The following PPFIA2 variants were observed in gnomAD, a reference collection of about 807,000 sequenced individuals.
PPFIA2 encodes the protein PPFI scaffold protein A2.
Under a neutral mutation model 175.5 loss-of-function variants are expected in PPFIA2, and 46 were observed. The observed-to-expected ratio is 0.26, with a 90% CI of 0.21 to 0.34. The LOEUF (loss-of-function observed/expected upper bound fraction) is 0.34. Ranked by LOEUF, PPFIA2 falls within the 10% of genes least tolerant of loss-of-function variation. The probability of loss-of-function intolerance (pLI) is 1.00; values close to 1 mark genes in which losing one functional copy is unlikely to be tolerated. For synonymous variants in PPFIA2, 568 were observed against 511.4 expected (o/e 1.11, Z -1.49); for missense variants, 1,179 against 1,506.1 (o/e 0.78, Z 3.60).
At chr12:81,712,851 G>T (rs1174069316) in intron 3 of PPFIA2, among the ~76,000 whole-genome samples, 10 of 150,326 alleles carry the variant, frequency 6.7e-5, no homozygotes, top group African/African-American at 2.4e-4. Context: ...CAGTTCTCAA[G>T]TTCTCTTTAA....
chr12:81,678,743 T>G (rs569095268), intron 3 of PPFIA2, among the ~76,000 whole-genome samples: 1 of 152,022 alleles, frequency 6.6e-6, no homozygotes, highest in Admixed American at 6.6e-5. Flanking sequence ...TGGTAGAGTT[T>G]AAGTCCTTGA....
chr12:81,658,768 G>A (rs1014525307), intron 4 of PPFIA2, among the ~76,000 whole-genome samples: 1 of 151,688 alleles, frequency 6.6e-6, no homozygotes, highest in Non-Finnish European at 1.5e-5. Context: ...TACATGCAAA[G>A]AAACAAATGT....
At chr12:81,464,569 T>C (rs2055238115) in intron 4 of PPFIA2, among the ~76,000 whole-genome samples, 1 of 152,150 alleles carries the variant, frequency 6.6e-6, no homozygotes, top group Admixed American at 6.6e-5. Flanking sequence ...TATGTTGTTC[T>C]TAGTGAGTTT....
chr12:81,650,006 GTTTTTGTTTTTT>G (rs1567716926), intron 4 of PPFIA2, among the ~76,000 whole-genome samples: 1 of 151,232 alleles, frequency 6.6e-6, no homozygotes, highest in African/African-American at 2.4e-5. Context: ...TTATGTTTTT[GTTTTTGTTTTTT>G]TTTTTTCCTG....
At chr12:81,397,606 A>G (rs1487401528) in intron 8 of PPFIA2, among the ~76,000 whole-genome samples, 2 of 152,032 alleles carry the variant, frequency 1.3e-5, no homozygotes, top group Non-Finnish European at 2.9e-5. Flanking sequence ...TAGGTTTATA[A>G]GGGATTTTAA....
intron 7 of PPFIA2, among the ~76,000 whole-genome samples, chr12:81,409,064 A>C (rs1339033910): frequency 1.3e-5 from 2 of 152,172 alleles, no homozygotes; most frequent in African/African-American, 4.8e-5. Flanking sequence ...AAATAACTGG[A>C]GCCTAAGGTA....
chr12:81,333,035 T>C (rs1743947502), intron 21 of PPFIA2, among the ~76,000 whole-genome samples: 2 of 152,174 alleles, frequency 1.3e-5, no homozygotes, highest in South Asian at 4.1e-4. Context: ...ATAGATTCAG[T>C]ATTCCTAGGG....
intron 16 of PPFIA2, among the ~76,000 whole-genome samples, chr12:81,356,532 G>T (rs930659458): frequency 9.9e-5 from 15 of 151,946 alleles, no homozygotes; most frequent in Middle Eastern, 3.4e-3. Flanking sequence ...GCATAGTGGT[G>T]CCCGCTTGTG....
At chr12:81,720,255 G>T (rs1178673564) in intron 3 of PPFIA2, among the ~76,000 whole-genome samples, 1 of 151,418 alleles carries the variant, frequency 6.6e-6, no homozygotes, top group Non-Finnish European at 1.5e-5. Context: ...ATTAGGAAAA[G>T]AAATGTTTCT....
chr12:81,307,397 A>C (rs1397007576), intron 22 of PPFIA2, among the ~76,000 whole-genome samples: 8 of 152,192 alleles, frequency 5.3e-5, no homozygotes, highest in Admixed American at 5.2e-4. Context: ...ACAATCACCT[A>C]GGATCCTTGA....
chr12:81,649,782 G>A (rs548490593), intron 4 of PPFIA2, among the ~76,000 whole-genome samples: 2 of 152,252 alleles, frequency 1.3e-5, no homozygotes, highest in Non-Finnish European at 2.9e-5. Flanking sequence ...TGTGCTAAGT[G>A]AAATAAGTCA....
At chr12:81,518,508 T>C (rs1254586609) in intron 4 of PPFIA2, among the ~76,000 whole-genome samples, 7 of 152,190 alleles carry the variant, frequency 4.6e-5, no homozygotes, top group Admixed American at 6.5e-5. Flanking sequence ...GCTATTCATC[T>C]TAGATAGTAC....
chr12:81,490,257 C>T (rs1043938210), intron 4 of PPFIA2, among the ~76,000 whole-genome samples: 7 of 151,814 alleles, frequency 4.6e-5, no homozygotes, highest in South Asian at 4.1e-4. Flanking sequence ...TTATTTCCTG[C>T]GAATATTGCT....
chr12:81,405,702 T>A (rs1220471371), intron 8 of PPFIA2, 85 bp downstream of exon 8: 1 of 756,404 alleles, frequency 1.3e-6, no homozygotes, highest in Non-Finnish European at 2.1e-6. Flanking sequence ...ACTAAAAAAA[T>A]GTTCATTATG....
At chr12:81,283,901 A>G (rs1163941478) in intron 25 of PPFIA2, among the ~76,000 whole-genome samples, 2 of 152,120 alleles carry the variant, frequency 1.3e-5, no homozygotes, top group Non-Finnish European at 2.9e-5. Context: ...TCTATTACCA[A>G]TTTAATTTGG....
chr12:81,379,811 TC>T (rs2037232310), intron 9 of PPFIA2, among the ~76,000 whole-genome samples: 1 of 152,184 alleles, frequency 6.6e-6, no homozygotes, highest in African/African-American at 2.4e-5. Flanking sequence ...TCTGAAGCCA[TC>T]AGTGGAACAT....
rs2057635917 is a variant in PPFIA2, at chr12:81,339,226, T to A, written c.2502A>T (p.Ile834=). 6.2e-7 allele frequency: 1 copy of A among 1,608,306 alleles called. No homozygotes were observed. Among genetic ancestry groups the A allele is most frequent in the African/African-American group, 1.3e-5 (1 of 74,662 alleles). The change falls in exon 21 of 33, where the codon ATA becomes ATT. Residue 834 remains isoleucine (I), a synonymous_variant. Coordinates refer to ENST00000549396, the MANE Select transcript of PPFIA2 (RefSeq NM_003625.5). Reference sequence around the variant, plus strand: ...TTTCTTTTTTACCAAACAAACGTCCTATTGAAGACTTGATTCCTTTCTTCT... The same window carrying A: ...TTTCTTTTTTACCAAACAAACGTCCAATTGAAGACTTGATTCCTTTCTTCT... ...APKKKGIKSS[I]GRLFGKKEKA...
chr12:81,573,451 A>T (rs1476976378), intron 4 of PPFIA2, among the ~76,000 whole-genome samples: 1 of 151,938 alleles, frequency 6.6e-6, no homozygotes. Context: ...AAATGTTTAT[A>T]GACATCCATT....
At chr12:81,582,589 T>G (rs916046369) in intron 4 of PPFIA2, among the ~76,000 whole-genome samples, 4 of 151,866 alleles carry the variant, frequency 2.6e-5, no homozygotes, top group Non-Finnish European at 5.9e-5. Context: ...TCTACAATGG[T>G]TGATGTGCTC....
Sources: gnomAD v4.1 joint callset for allele counts (sites outside exome capture counted in the v4.1 genomes callset) on GRCh38, gnomAD v4.1.1 for gene constraint, MANE v1.5 for transcripts, NCBI Gene and HGNC (gene_info 2026-07-23, HGNC 2026-07-21) for gene names.